XKR9: variants seen among roughly 807,000 people sequenced by gnomAD.
The protein encoded by XKR9 is XK-related protein 9.
A neutral mutation model predicts 32.0 loss-of-function variants in XKR9; 32 were observed. The observed-to-expected ratio is 1.00, with a 90% confidence interval of 0.76 to 1.34. The LOEUF is 1.34. XKR9 is among the 40% of genes most tolerant of loss of function. The pLI, the probability that XKR9 is intolerant of heterozygous loss-of-function variation, is 0.00. For missense variants in XKR9, 546 were observed against 429.7 expected, an observed-to-expected ratio of 1.27 and a Z score of -2.39; for synonymous variants, 168 against 143.4, an observed-to-expected ratio of 1.17 and a Z score of -1.22.
At chr8:70,976,660 G>A in the XKR9 span, among the ~76,000 whole-genome samples, 1 of 152,296 alleles carries the variant, frequency 6.6e-6, no homozygotes, top group African/African-American at 2.4e-5. Context: ...GTTCAACAGG[G>A]ATATTGGTCT....
At chr8:70,951,783 C>T in the XKR9 span, among the ~76,000 whole-genome samples, 1 of 152,086 alleles carries the variant, frequency 6.6e-6, no homozygotes, top group Non-Finnish European at 1.5e-5. Context: ...AGTTATAAAC[C>T]CCAACTGTCA....
At chr8:70,856,365 C>G in the XKR9 span, among the ~76,000 whole-genome samples, 158 of 152,178 alleles carry the variant, frequency 1.0e-3, 1 homozygote, top group Middle Eastern at 6.8e-3. Flanking sequence ...CAACGAAGAT[C>G]AAAAGAGACA....
chr8:71,063,729 G>A, the XKR9 span, among the ~76,000 whole-genome samples: 1 of 152,156 alleles, frequency 6.6e-6, no homozygotes, highest in South Asian at 2.1e-4. Context: ...AGTTGCATGT[G>A]AACTAAATTC....
intron 3 of XKR9, among the ~76,000 whole-genome samples, chr8:70,695,332 G>A (rs268608): frequency 1.4e-5 from 1 of 69,546 alleles, no homozygotes; most frequent in Admixed American, 1.4e-4. Flanking sequence ...CCCCCCTCCC[G>A]CCACCCCACA....
chr8:71,025,030 T>G, the XKR9 span, among the ~76,000 whole-genome samples: 1 of 152,252 alleles, frequency 6.6e-6, no homozygotes, highest in Non-Finnish European at 1.5e-5. Flanking sequence ...TTTATATGTA[T>G]TGACTTATAT....
At chr8:70,818,716 A>G in the XKR9 span, among the ~76,000 whole-genome samples, 1 of 152,204 alleles carries the variant, frequency 6.6e-6, no homozygotes, top group African/African-American at 2.4e-5. Flanking sequence ...CTAAATTGGT[A>G]TAGAGAAATA....
rs1055550461 is a variant in XKR9, at chr8:70,745,154, A to G, written n.352+38001A>G. 4.5e-5 allele frequency among the ~76,000 whole-genome samples: 6 copies of G among 132,304 alleles called. 1 individual carries two copies. The highest frequency in any genetic ancestry group is 8.1e-5 in the African/African-American group (3 of 36,820). The allele number at this position is 132,304 out of a possible 152,430, so 86.8% of individuals were successfully genotyped here. On this transcript the variant is annotated intron_variant and non_coding_transcript_variant, in intron 2 of 3. Coordinates refer to the XKR9 transcript ENST00000520273. ...CAACAAACATTTTCTTATTGGTTTT[A>G]TAGCCAAGAAATAAATGGGAAGATC...
chr8:70,734,621 A>C lies in XKR9; in HGVS notation c.*197A>C, dbSNP rs1384489021. On this transcript the variant is annotated 3_prime_UTR_variant, in exon 5 of 5. Coordinates refer to ENST00000408926, the MANE Select transcript of XKR9 (RefSeq NM_001011720.2). ...GGTTTTGAAGATCTTGAGTACTCAGATATCTTTCTACTGCCTGGTAGAGCT... is the reference window on the plus strand; with the variant it reads ...GGTTTTGAAGATCTTGAGTACTCAGCTATCTTTCTACTGCCTGGTAGAGCT... 6 of 602,162 alleles carry C rather than the reference A, an allele frequency of 1.0e-5. No individual in the cohort carries two copies. Among genetic ancestry groups the C allele is most frequent in the Non-Finnish European group, 1.4e-5 (6 of 430,906 alleles). 37.3% of individuals were successfully genotyped at this position (602,162 alleles called of 1,614,324 possible). A position where few individuals can be genotyped will look rare whatever the true frequency, so the allele number is the denominator to read the frequency against.
chr8:70,956,628 C>G, the XKR9 span, among the ~76,000 whole-genome samples: 2 of 152,128 alleles, frequency 1.3e-5, no homozygotes, highest in African/African-American at 4.8e-5. Context: ...TGCCTGCAGG[C>G]CCATGCTGAG....
the XKR9 span, among the ~76,000 whole-genome samples, chr8:70,835,628 G>C: frequency 3.3e-5 from 5 of 152,034 alleles, no homozygotes; most frequent in Admixed American, 3.3e-4. Flanking sequence ...CTAAAGCCTA[G>C]GTTTTTAATT....
chr8:70,894,623 C>T, the XKR9 span, among the ~76,000 whole-genome samples: 506 of 152,208 alleles, frequency 3.3e-3, 5 homozygotes, highest in African/African-American at 0.011. Flanking sequence ...TGCAGGGCAC[C>T]ACTTCAGCTT....
chr8:70,840,060 C>A, the XKR9 span, among the ~76,000 whole-genome samples: 22 of 152,142 alleles, frequency 1.4e-4, no homozygotes, highest in African/African-American at 4.8e-4. Flanking sequence ...AGGGTGGGTA[C>A]TTTGAATGTG....
chr8:70,687,381 CTTTCTCTT>C (rs1819333830), intron 3 of XKR9, among the ~76,000 whole-genome samples: 1 of 114,986 alleles, frequency 8.7e-6, no homozygotes, highest in Non-Finnish European at 1.8e-5. Context: ...CTTTCTCTTT[CTTTCTCTT>C]TCTCTTTCTC....
At chr8:70,671,155 T>C (rs1374818488) in intron 1 of XKR9, among the ~76,000 whole-genome samples, 2 of 152,216 alleles carry the variant, frequency 1.3e-5, no homozygotes, top group Non-Finnish European at 2.9e-5. Flanking sequence ...ATCCTCCTGC[T>C]TTGGTCTCCC....
chr8:70,901,700 AT>A, the XKR9 span, among the ~76,000 whole-genome samples: 3 of 152,024 alleles, frequency 2.0e-5, no homozygotes, highest in Non-Finnish European at 4.4e-5. Context: ...TTTTGTTGCC[AT>A]TGCTTTTGGT....
chr8:70,712,967 G>C (rs1225292694), intron 4 of XKR9, among the ~76,000 whole-genome samples: 1 of 151,288 alleles, frequency 6.6e-6, no homozygotes, highest in Admixed American at 6.6e-5. Flanking sequence ...AGAGGAAATA[G>C]GAAAAAAAAT....
the XKR9 span, among the ~76,000 whole-genome samples, chr8:70,808,885 C>T: frequency 6.6e-6 from 1 of 152,244 alleles, no homozygotes; most frequent in African/African-American, 2.4e-5. Context: ...CATAGCCAAA[C>T]AAAAGGCAGC....
chr8:70,701,633 C>T (rs1262075448), intron 3 of XKR9, among the ~76,000 whole-genome samples: 2 of 152,030 alleles, frequency 1.3e-5, no homozygotes, highest in African/African-American at 4.8e-5. Flanking sequence ...CCAAATTATC[C>T]AAAGGTTTGT....
chr8:70,894,577 A>G, the XKR9 span, among the ~76,000 whole-genome samples: 1 of 152,068 alleles, frequency 6.6e-6, no homozygotes, highest in Non-Finnish European at 1.5e-5. Flanking sequence ...TGGGGCAGGA[A>G]CTATTCTGAG....
Sources: gnomAD v4.1 joint callset for allele counts (sites outside exome capture counted in the v4.1 genomes callset) on GRCh38, gnomAD v4.1.1 for gene constraint, MANE v1.5 for transcripts, NCBI Gene and HGNC (gene_info 2026-07-23, HGNC 2026-07-21) for gene names.